Variants in TRIM67 observed in about 807,000 individuals in gnomAD.
The protein encoded by TRIM67 is tripartite motif-containing protein 67.
TRIM67 carries 39 observed loss-of-function variants against 71.0 expected under a neutral mutation model. That is an observed-to-expected ratio of 0.55 (90% CI 0.43 to 0.72). The LOEUF (loss-of-function observed/expected upper bound fraction) is 0.72, where lower values mean the gene tolerates loss of function less well. Ranked by LOEUF, TRIM67 falls within the 30% of genes least tolerant of loss-of-function variation. The probability of loss-of-function intolerance (pLI) is 0.00; values close to 1 mark genes in which losing one functional copy is unlikely to be tolerated. For missense variants in TRIM67, 973 were observed against 1,079.2 expected, an observed-to-expected ratio of 0.90 and a Z score of 1.38; for synonymous variants, 481 against 473.9, an observed-to-expected ratio of 1.01 and a Z score of -0.19.
chr1:231,204,177 C>T (rs1019799630), intron 6 of TRIM67, among the ~76,000 whole-genome samples, 165 bp downstream of exon 6: 13 of 152,216 alleles, frequency 8.5e-5, no homozygotes, highest in Admixed American at 8.5e-4. Flanking sequence ...TGGGGCTTCC[C>T]TCCCAAGGGC....
chr1:231,197,325 C>A, intron 1 of TRIM67, 46 bp from the exon 2 acceptor site: 1 of 1,563,184 alleles, frequency 6.4e-7, no homozygotes, highest in Non-Finnish European at 8.8e-7. Context: ...ATTTTCTGTG[C>A]CTTTCACAAC....
chr1:231,175,314 C>T (rs1682716402), intron 1 of TRIM67, among the ~76,000 whole-genome samples: 1 of 152,218 alleles, frequency 6.6e-6, no homozygotes, highest in Admixed American at 6.5e-5. Flanking sequence ...CAGAAGGGGA[C>T]ATCAGGGCAC....
Position 231,215,295 on chromosome 1 carries a change from G to A in TRIM67, c.2287-80G>A, listed in dbSNP as rs541566983. 72 of 1,529,640 alleles carry A rather than the reference G, an allele frequency of 4.7e-5. 1 individual carries two copies. The highest frequency in any genetic ancestry group is 5.7e-5 in the Non-Finnish European group (65 of 1,130,998). The allele number at this position is 1,529,640 out of a possible 1,614,324, so 94.8% of individuals were successfully genotyped here. On this transcript the variant is annotated intron_variant, in intron 9 of 9. Transcript: ENST00000366653. ...CCTGGAGCCAGCAGGGGATCCTGCC[G>A]GTGTCTGCGGTGCTGTCAGAGCCCT...
intron 1 of TRIM67, among the ~76,000 whole-genome samples, chr1:231,175,535 G>C (rs879561516): frequency 2.6e-5 from 4 of 152,222 alleles, no homozygotes; most frequent in Non-Finnish European, 5.9e-5. Flanking sequence ...TTCCCATAAG[G>C]GGATGTGAAG....
chr1:231,190,642 A>G (rs922457588), intron 1 of TRIM67, among the ~76,000 whole-genome samples: 4 of 152,236 alleles, frequency 2.6e-5, no homozygotes, highest in South Asian at 4.2e-4. Flanking sequence ...ACATCTACCC[A>G]GGGGCGTCCC....
intron 3 of TRIM67, 102 bp from the exon 4 acceptor site, chr1:231,200,046 G>A (rs556584675): frequency 2.8e-5 from 24 of 845,122 alleles, no homozygotes; most frequent in South Asian, 7.3e-5. Flanking sequence ...GGCCAGCGCC[G>A]CCTCTTCCAG....
At chr1:231,169,945 A>T (rs1682580005) in intron 1 of TRIM67, among the ~76,000 whole-genome samples, 1 of 151,494 alleles carries the variant, frequency 6.6e-6, no homozygotes. Context: ...TAGGTTGGTA[A>T]TTCAGGGACC....
At chr1:231,179,082 C>T (rs1028173279) in intron 1 of TRIM67, among the ~76,000 whole-genome samples, 2 of 152,230 alleles carry the variant, frequency 1.3e-5, no homozygotes, top group Non-Finnish European at 2.9e-5. Flanking sequence ...TTACCACAAG[C>T]TGGGTAGCTT....
chr1:231,203,881 C>G lies in TRIM67; in HGVS notation c.1549C>G (p.Leu517Val). ...QMKCRVPPVP[L>V]LQLEKCCTRN... ...CCCCCTCGCAGTGCCACCCGTCCCC[C>G]TACTGCAGCTGGAGAAATGCTGCAC... The change falls in exon 6 of 10, where the codon CTA becomes GTA. Residue 517 changes from leucine to valine, a missense_variant. Leu to Val is a conservative substitution (Grantham distance 32). This residue lies in a region of TRIM67 where 795 missense variants were observed against 831.3 expected (regional missense o/e 0.96). Coordinates refer to ENST00000366653, the MANE Select transcript of TRIM67 (RefSeq NM_001004342.5). The G allele has an allele frequency of 1.2e-6, 2 of 1,613,718 alleles. No individual in the cohort carries two copies. The highest frequency in any genetic ancestry group is 2.2e-5 in the East Asian group (1 of 44,890).
chr1:231,164,201 G>A (rs1571864578), intron 1 of TRIM67, among the ~76,000 whole-genome samples, 188 bp downstream of exon 1: 1 of 152,330 alleles, frequency 6.6e-6, no homozygotes, highest in African/African-American at 2.4e-5. Context: ...CGGTACTTTG[G>A]ACTGGATGCT....
intron 3 of TRIM67, among the ~76,000 whole-genome samples, chr1:231,199,653 C>T (rs1244068950): frequency 3.9e-5 from 6 of 152,204 alleles, no homozygotes; most frequent in Non-Finnish European, 8.8e-5. Context: ...CATGAACTCT[C>T]TGAGTTGATG....
intron 1 of TRIM67, among the ~76,000 whole-genome samples, chr1:231,196,765 C>A (rs1437859055): frequency 1.6e-4 from 25 of 152,218 alleles, no homozygotes; most frequent in Admixed American, 1.6e-3. Flanking sequence ...GCTGGTCACA[C>A]CCCTCTCTGC....
chr1:231,212,638 C>T (rs1010750940), intron 8 of TRIM67, among the ~76,000 whole-genome samples: 1 of 151,736 alleles, frequency 6.6e-6, no homozygotes, highest in East Asian at 1.9e-4. Context: ...TGGGAGGATC[C>T]GTTGAGCCCA....
At chr1:231,172,558 A>G (rs1682644668) in intron 1 of TRIM67, among the ~76,000 whole-genome samples, 1 of 152,192 alleles carries the variant, frequency 6.6e-6, no homozygotes, top group Non-Finnish European at 1.5e-5. Flanking sequence ...GGTTCTGGGA[A>G]CCAGGAGTGT....
intron 1 of TRIM67, among the ~76,000 whole-genome samples, chr1:231,173,897 C>G (rs1299941880): frequency 6.6e-6 from 1 of 152,134 alleles, no homozygotes; most frequent in Admixed American, 6.5e-5. Flanking sequence ...AGAGAGGCAG[C>G]AGAAATGGAG....
At chr1:231,178,542 T>A (rs1217557753) in intron 1 of TRIM67, among the ~76,000 whole-genome samples, 2 of 152,174 alleles carry the variant, frequency 1.3e-5, no homozygotes, top group Non-Finnish European at 2.9e-5. Context: ...CACAAAACAA[T>A]CTTAGTGACG....
rs776162335 is a variant in TRIM67 at position 231,219,896 on chromosome 1, G to A, written c.*4456G>A. ...CTGTAAAAATATGAGGGCAGGTTTC[G>A]GGCAGGATGTATTGATCAGACACCA... is the stretch of plus-strand genomic sequence containing the variant. On this transcript the variant is annotated 3_prime_UTR_variant, in exon 10 of 10. Transcript: ENST00000366653. 31 of 1,289,696 alleles carry A rather than the reference G, an allele frequency of 2.4e-5. No individual in the cohort carries two copies. The highest frequency in any genetic ancestry group is 2.2e-4 in the East Asian group (4 of 18,024). The allele number at this position is 1,289,696 out of a possible 1,614,324, so 79.9% of individuals were successfully genotyped here. A position where few individuals can be genotyped will look rare whatever the true frequency, so the allele number is the denominator to read the frequency against.
chr1:231,210,272 C>G (rs1683831212), intron 8 of TRIM67, among the ~76,000 whole-genome samples: 1 of 152,122 alleles, frequency 6.6e-6, no homozygotes, highest in Admixed American at 6.5e-5. Context: ...CAAAATTGAC[C>G]CGGAGGCTCT....
At chr1:231,202,062 G>GTAGTGGAGGAGGAGGAGGAGGTGGA in intron 5 of TRIM67, among the ~76,000 whole-genome samples, 1 of 152,104 alleles carries the variant, frequency 6.6e-6, no homozygotes, top group African/African-American at 2.4e-5. Context: ...CATGGAGGAG[G>GTAGTGGAGGAGGAGGAGGAGGTGGA]AGATGGAGGA....
Sources: gnomAD v4.1 joint callset for allele counts (sites outside exome capture counted in the v4.1 genomes callset) on GRCh38, gnomAD v4.1.1 for gene constraint, gnomAD v4.1.1 regional missense constraint, MANE v1.5 for transcripts, NCBI Gene and HGNC (gene_info 2026-07-23, HGNC 2026-07-21) for gene names.